Variants in TXNDC11 observed in about 807,000 individuals in gnomAD.
TXNDC11 encodes thioredoxin domain-containing protein 11.
TXNDC11 carries 68 observed loss-of-function variants against 78.0 expected under a neutral mutation model. That is an observed-to-expected ratio of 0.87 (90% CI 0.72 to 1.07). The LOEUF (loss-of-function observed/expected upper bound fraction) is 1.07. Ranked by LOEUF, TXNDC11 falls within the 50% of genes least tolerant of loss-of-function variation. The probability of loss-of-function intolerance (pLI) is 0.00; values close to 1 mark genes in which losing one functional copy is unlikely to be tolerated. For synonymous variants in TXNDC11, 571 were observed against 495.2 expected (o/e 1.15, Z -2.03); for missense variants, 1,389 against 1,221.8 (o/e 1.14, Z -2.04).
intron 2 of TXNDC11, 151 bp downstream of exon 2, chr16:11,735,866 T>C (rs529846915): frequency 1.5e-6 from 1 of 659,636 alleles, no homozygotes; most frequent in East Asian, 2.8e-5. Flanking sequence ...ATCCTTTCTG[T>C]TGCTTTATAG....
At chr16:11,737,892 G>A (rs2052273770) in intron 1 of TXNDC11, among the ~76,000 whole-genome samples, 1 of 150,044 alleles carries the variant, frequency 6.7e-6, no homozygotes, top group Admixed American at 6.6e-5. Flanking sequence ...ACCTAATTAG[G>A]AGGAGCAGAC....
chr16:11,735,975 G>T, intron 2 of TXNDC11, 42 bp downstream of exon 2: 1 of 1,593,006 alleles, frequency 6.3e-7, no homozygotes, highest in Non-Finnish European at 8.6e-7. Flanking sequence ...CTACATATAG[G>T]ACTGACAGTC....
intron 7 of TXNDC11, among the ~76,000 whole-genome samples, chr16:11,692,989 G>C (rs1287039926): frequency 6.6e-6 from 1 of 152,198 alleles, no homozygotes; most frequent in Non-Finnish European, 1.5e-5. Flanking sequence ...TCCAGGAAGA[G>C]CTAGTTTTTG....
chr16:11,734,105 A>G lies in TXNDC11; in HGVS notation c.472-26T>C, dbSNP rs1202071904. 3.5e-6 allele frequency: 5 copies of G among 1,432,848 alleles called. No homozygotes were observed. In the Admixed American group the frequency reaches 8.5e-5, roughly 24 times the overall value. 88.8% of individuals were successfully genotyped at this position (1,432,848 alleles called of 1,614,324 possible). A position where few individuals can be genotyped will look rare whatever the true frequency, so the allele number is the denominator to read the frequency against. ...CTGCAGAGCCAAAAAAGGTTTTCAAATGACTATGAATAACAACTGAAAAGT... is the reference window on the plus strand; with the variant it reads ...CTGCAGAGCCAAAAAAGGTTTTCAAGTGACTATGAATAACAACTGAAAAGT... On this transcript the variant is annotated intron_variant, in intron 2 of 11. Transcript: ENST00000283033.
chr16:11,699,692 A>G (rs1488354183), intron 6 of TXNDC11, among the ~76,000 whole-genome samples: 2 of 152,276 alleles, frequency 1.3e-5, no homozygotes, highest in East Asian at 3.8e-4. Context: ...AAGGCACAAG[A>G]CTTAGACATT....
At chr16:11,681,695 C>T (rs2050429761) in intron 11 of TXNDC11, among the ~76,000 whole-genome samples, 1 of 152,190 alleles carries the variant, frequency 6.6e-6, no homozygotes, top group Non-Finnish European at 1.5e-5. Context: ...GGCCCAGGGC[C>T]AGGCCAGAGC....
intron 7 of TXNDC11, among the ~76,000 whole-genome samples, chr16:11,693,692 G>C (rs2050780830): frequency 6.6e-6 from 1 of 152,172 alleles, no homozygotes; most frequent in Non-Finnish European, 1.5e-5. Flanking sequence ...AAGAAAAGAA[G>C]TCACTTTAGA....
chr16:11,732,927 T>G (rs571851111), intron 3 of TXNDC11, among the ~76,000 whole-genome samples: 1 of 152,288 alleles, frequency 6.6e-6, no homozygotes, highest in East Asian at 1.9e-4. Flanking sequence ...TTCAACAAAC[T>G]TCAAGCCAAT....
Position 11,691,503 on chromosome 16 carries a change from C to T in TXNDC11, c.1687G>A (p.Asp563Asn). The change falls in exon 8 of 12, where the codon GAC becomes AAC. Residue 563 changes from aspartate to asparagine, a missense_variant. Asp to Asn is a conservative substitution (Grantham distance 23). Coordinates refer to ENST00000283033, the MANE Select transcript of TXNDC11 (RefSeq NM_015914.7). ...EENRYLFPEV[D>N]MTSTNFTGLS... ...CCTGTGAAGTTTGTGCTAGTCATGT[C>T]CACTTCTGGAAAGAGATACCTGTTC... The T allele has an allele frequency of 1.2e-6, 2 of 1,614,150 alleles. No homozygotes were observed. The highest frequency in any genetic ancestry group is 1.7e-6 in the Non-Finnish European group (2 of 1,180,020).
chr16:11,717,646 C>T (rs1567332752), intron 5 of TXNDC11, among the ~76,000 whole-genome samples: 1 of 150,004 alleles, frequency 6.7e-6, no homozygotes, highest in African/African-American at 2.5e-5. Context: ...ATGGTGAAAC[C>T]CCGTCTCTAC....
chr16:11,699,864 A>G (rs2050962831), intron 6 of TXNDC11, among the ~76,000 whole-genome samples: 1 of 152,262 alleles, frequency 6.6e-6, no homozygotes, highest in South Asian at 2.1e-4. Context: ...GAGTAGACGC[A>G]TAGGACTGAG....
intron 5 of TXNDC11, among the ~76,000 whole-genome samples, chr16:11,717,559 C>G (rs1324840518): frequency 6.6e-6 from 1 of 151,174 alleles, no homozygotes; most frequent in South Asian, 2.1e-4. Context: ...CAGTGGCTCA[C>G]GCCTGTAATC....
chr16:11,730,856 C>T, intron 3 of TXNDC11, 82 bp from the exon 4 acceptor site: 1 of 1,041,130 alleles, frequency 9.6e-7, no homozygotes. Context: ...TAACTAAAAT[C>T]ATCACCACCA....
intron 8 of TXNDC11, 179 bp downstream of exon 8, chr16:11,691,111 T>C: frequency 3.3e-6 from 2 of 603,600 alleles, no homozygotes; most frequent in East Asian, 2.9e-5. Context: ...TTCTGTTCCA[T>C]TTAATAGACA....
chr16:11,681,046 C>T (rs1039966769), intron 11 of TXNDC11, among the ~76,000 whole-genome samples: 1 of 152,158 alleles, frequency 6.6e-6, no homozygotes, highest in Admixed American at 6.5e-5. Flanking sequence ...GTGGCACACA[C>T]CTGTAGATCC....
At position 11,736,242 on chromosome 16, in the gene TXNDC11, G is replaced by A. The variant is rs199541678; in HGVS notation, c.255-9C>T. The A allele has an allele frequency of 7.6e-4, 1,214 of 1,589,954 alleles. 2 individuals carry two copies. The highest frequency in any genetic ancestry group is 9.8e-4 in the Non-Finnish European group (1,144 of 1,165,610). On this transcript the variant is annotated splice_polypyrimidine_tract_variant and intron_variant, in intron 1 of 11. Transcript: ENST00000283033. ...TCACATCTTTTGCTCGACTAAAAAAGAGCAAACACAGAAAAGATTGCTTAG... is the reference window on the plus strand; with the variant it reads ...TCACATCTTTTGCTCGACTAAAAAAAAGCAAACACAGAAAAGATTGCTTAG...
At position 11,742,776 on chromosome 16, in the gene TXNDC11, G is replaced by A. The variant is rs770494994; in HGVS notation, c.-46C>T. 1.8e-5 allele frequency: 26 copies of A among 1,412,492 alleles called. No individual in the cohort carries two copies. The highest frequency in any genetic ancestry group is 2.3e-5 in the Non-Finnish European group (25 of 1,089,520). The allele number at this position is 1,412,492 out of a possible 1,614,324, so 87.5% of individuals were successfully genotyped here. A position where few individuals can be genotyped will look rare whatever the true frequency, so the allele number is the denominator to read the frequency against. On this transcript the variant is annotated 5_prime_UTR_variant, in exon 1 of 12. Transcript: ENST00000283033. ...CTTTATACCGCCGCCGCCGCCTCGG[G>A]CCCGAAGGCCCGGCCCGGCCCGTTG...
At chr16:11,696,902 A>AG in intron 7 of TXNDC11, among the ~76,000 whole-genome samples, 1 of 152,284 alleles carries the variant, frequency 6.6e-6, no homozygotes, top group East Asian at 1.9e-4. Flanking sequence ...CACCCAAACC[A>AG]GACAGGAGAG....
intron 5 of TXNDC11, among the ~76,000 whole-genome samples, chr16:11,701,752 G>A (rs180885784): frequency 9.2e-5 from 14 of 152,154 alleles, no homozygotes; most frequent in African/African-American, 3.4e-4. Flanking sequence ...TAAGACAAAG[G>A]AAACATCAAG....
Sources: gnomAD v4.1 joint callset for allele counts (sites outside exome capture counted in the v4.1 genomes callset) on GRCh38, gnomAD v4.1.1 for gene constraint, MANE v1.5 for transcripts, NCBI Gene and HGNC (gene_info 2026-07-23, HGNC 2026-07-21) for gene names.